Variants in SH3RF3 observed in about 807,000 individuals in gnomAD.
SH3RF3 encodes E3 ubiquitin-protein ligase SH3RF3.
In SH3RF3, 29 loss-of-function variants were observed where a neutral mutation model predicts 66.3. The ratio of observed to expected loss-of-function variants is 0.44; its 90% confidence interval spans 0.33 to 0.60. SH3RF3 has a LOEUF of 0.60. Among genes scored for constraint, SH3RF3 ranks in the 20% least tolerant of loss-of-function variants. The pLI is 0.04. For synonymous variants in SH3RF3, 583 were observed against 532.0 expected (o/e 1.10, Z -1.32); for missense variants, 1,194 against 1,190.9 (o/e 1.00, Z -0.04).
chr2:109,375,020 A>G (rs578024147), intron 3 of SH3RF3, among the ~76,000 whole-genome samples: 1 of 152,314 alleles, frequency 6.6e-6, no homozygotes, highest in South Asian at 2.1e-4. Flanking sequence ...CTGGCCTTGC[A>G]CTGCTTCAGC....
At chr2:109,151,120 G>T (rs1677217071) in intron 1 of SH3RF3, among the ~76,000 whole-genome samples, 1 of 152,210 alleles carries the variant, frequency 6.6e-6, no homozygotes, top group Non-Finnish European at 1.5e-5. Context: ...GGTGAGGGGT[G>T]GTGGTCCTTG....
chr2:109,272,902 G>T (rs1182957361), intron 1 of SH3RF3, among the ~76,000 whole-genome samples: 1 of 152,178 alleles, frequency 6.6e-6, no homozygotes, highest in Admixed American at 6.5e-5. Flanking sequence ...CCCTTGTCAT[G>T]CCAAGACAGT....
intron 3 of SH3RF3, among the ~76,000 whole-genome samples, chr2:109,398,192 G>A (rs1454438390): frequency 1.3e-5 from 2 of 152,222 alleles, no homozygotes; most frequent in Non-Finnish European, 2.9e-5. Context: ...GGAACCTGCT[G>A]TCATGGAGCA....
intron 2 of SH3RF3, among the ~76,000 whole-genome samples, chr2:109,348,729 G>A (rs574553001): frequency 2.6e-5 from 4 of 152,158 alleles, no homozygotes; most frequent in Admixed American, 2.6e-4. Context: ...TGCTTGCTGG[G>A]TCCTCTCTCC....
intron 1 of SH3RF3, among the ~76,000 whole-genome samples, chr2:109,135,901 C>A (rs1676804408): frequency 6.6e-6 from 1 of 152,182 alleles, no homozygotes; most frequent in African/African-American, 2.4e-5. Flanking sequence ...CCATAATCTG[C>A]TTTAAAAAAA....
chr2:109,226,919 G>A (rs185492248), intron 1 of SH3RF3, among the ~76,000 whole-genome samples: 2 of 152,256 alleles, frequency 1.3e-5, no homozygotes, highest in Admixed American at 1.3e-4. Context: ...AGATAACCAA[G>A]GGTCCTGAGG....
At chr2:109,285,700 G>C (rs1681016282) in intron 1 of SH3RF3, among the ~76,000 whole-genome samples, 1 of 152,350 alleles carries the variant, frequency 6.6e-6, no homozygotes, top group East Asian at 1.9e-4. Flanking sequence ...ATGAAAGCTT[G>C]CTTTTGCATC....
At chr2:109,152,131 G>C (rs1340220700) in intron 1 of SH3RF3, among the ~76,000 whole-genome samples, 2 of 152,200 alleles carry the variant, frequency 1.3e-5, no homozygotes, top group African/African-American at 4.8e-5. Flanking sequence ...TTTTGGAGAG[G>C]ATGAAATTTG....
chr2:109,192,587 C>T (rs1678394044), intron 1 of SH3RF3, among the ~76,000 whole-genome samples: 1 of 152,126 alleles, frequency 6.6e-6, no homozygotes, highest in Non-Finnish European at 1.5e-5. Flanking sequence ...CTTGAAACGG[C>T]ATGGAATAGT....
rs1016107827 is a variant in SH3RF3, at chr2:109,284,055, C to G, written c.574-63619C>G. ...TGGCATTGGGCTGCCTTCTCACTTG[C>G]TGTCACCTCCCTTGTCCTGCCCCCT... On this transcript the variant is annotated intron_variant, in intron 1 of 9. Transcript: ENST00000309415. 4.6e-5 allele frequency among the ~76,000 whole-genome samples: 7 copies of G among 152,310 alleles called. 1 individual carries two copies. The highest frequency in any genetic ancestry group is 2.6e-4 in the Admixed American group (4 of 15,292).
intron 1 of SH3RF3, among the ~76,000 whole-genome samples, chr2:109,238,607 G>A (rs934389612): frequency 1.3e-5 from 2 of 151,782 alleles, no homozygotes; most frequent in African/African-American, 4.8e-5. Flanking sequence ...ATTCTTTTTC[G>A]CATTATGGAT....
chr2:109,157,115 T>C (rs1282083111), intron 1 of SH3RF3, among the ~76,000 whole-genome samples: 1 of 152,138 alleles, frequency 6.6e-6, no homozygotes, highest in Non-Finnish European at 1.5e-5. Flanking sequence ...CACAGGACCT[T>C]CTTAGGTTTT....
At chr2:109,500,607 A>G (rs899351993) in intron 9 of SH3RF3, among the ~76,000 whole-genome samples, 1 of 152,192 alleles carries the variant, frequency 6.6e-6, no homozygotes, top group African/African-American at 2.4e-5. Flanking sequence ...GCCAGTTCCA[A>G]TGCTAAGGCA....
At chr2:109,166,591 A>G (rs1260334766) in intron 1 of SH3RF3, among the ~76,000 whole-genome samples, 3 of 152,236 alleles carry the variant, frequency 2.0e-5, no homozygotes, top group Non-Finnish European at 4.4e-5. Flanking sequence ...TTATTCAGAA[A>G]AAATTTACAG....
chr2:109,196,640 T>C (rs1678507710), intron 1 of SH3RF3, among the ~76,000 whole-genome samples: 1 of 152,182 alleles, frequency 6.6e-6, no homozygotes. Flanking sequence ...TGGTTGCGGC[T>C]GTACCTGGCC....
chr2:109,148,506 A>G (rs1476355419), intron 1 of SH3RF3, among the ~76,000 whole-genome samples: 1 of 152,220 alleles, frequency 6.6e-6, no homozygotes, highest in Non-Finnish European at 1.5e-5. Context: ...TGGAAGAATG[A>G]AAGAAGGGTT....
chr2:109,376,297 G>A (rs965165723), intron 3 of SH3RF3, among the ~76,000 whole-genome samples: 2 of 152,192 alleles, frequency 1.3e-5, no homozygotes. Flanking sequence ...ACAGGTCCAG[G>A]GTGTGGACGC....
At chr2:109,425,209 A>G (rs1559076605) in intron 5 of SH3RF3, among the ~76,000 whole-genome samples, 1 of 152,252 alleles carries the variant, frequency 6.6e-6, no homozygotes. Flanking sequence ...AAGCTAAAGG[A>G]GGAAAGTTTG....
intron 1 of SH3RF3, among the ~76,000 whole-genome samples, chr2:109,235,508 G>T (rs1356378925): frequency 6.6e-6 from 1 of 152,218 alleles, no homozygotes; most frequent in East Asian, 1.9e-4. Context: ...GTGGCACATG[G>T]GGCCATCTGG....
Sources: gnomAD v4.1 joint callset for allele counts (sites outside exome capture counted in the v4.1 genomes callset) on GRCh38, gnomAD v4.1.1 for gene constraint, MANE v1.5 for transcripts, NCBI Gene and HGNC (gene_info 2026-07-23, HGNC 2026-07-21) for gene names.